RIMS2: variants seen among roughly 807,000 people sequenced by gnomAD.
The protein encoded by RIMS2 is regulating synaptic membrane exocytosis protein 2.
RIMS2 carries 59 observed loss-of-function variants against 174.4 expected under a neutral mutation model. The ratio of observed to expected loss-of-function variants is 0.34; its 90% CI spans 0.27 to 0.42. The LOEUF is 0.42. Ranked by LOEUF, RIMS2 falls within the 10% of genes least tolerant of loss-of-function variation. The pLI, the probability that RIMS2 is intolerant of heterozygous loss-of-function variation, is 1.00. For synonymous variants in RIMS2, 606 were observed against 572.5 expected, an observed-to-expected ratio of 1.06 and a Z score of -0.84; for missense variants, 1,620 against 1,666.3, an observed-to-expected ratio of 0.97 and a Z score of 0.48.
At chr8:103,750,225 C>A (rs1473399969) in intron 2 of RIMS2, among the ~76,000 whole-genome samples, 1 of 151,704 alleles carries the variant, frequency 6.6e-6, no homozygotes, top group Non-Finnish European at 1.5e-5. Flanking sequence ...TTTAGTAAAA[C>A]AAAAAGAATC....
At chr8:104,161,635 T>C (rs1287649690) in intron 19 of RIMS2, among the ~76,000 whole-genome samples, 1 of 152,216 alleles carries the variant, frequency 6.6e-6, no homozygotes, top group African/African-American at 2.4e-5. Context: ...AGTTTCCTAT[T>C]GAGGCCGTAA....
At chr8:104,018,007 G>T (rs1183225237) in intron 19 of RIMS2, among the ~76,000 whole-genome samples, 1 of 152,116 alleles carries the variant, frequency 6.6e-6, no homozygotes, top group East Asian at 1.9e-4. Context: ...CCCAGGAGAC[G>T]CAGGTTGCAG....
chr8:104,192,024 A>T (rs1231876728), intron 19 of RIMS2, among the ~76,000 whole-genome samples: 1 of 152,192 alleles, frequency 6.6e-6, no homozygotes, highest in Non-Finnish European at 1.5e-5. Context: ...GAAAATTTTC[A>T]CTATACTATG....
chr8:103,800,569 T>A (rs1287766191), intron 3 of RIMS2, among the ~76,000 whole-genome samples: 1 of 152,246 alleles, frequency 6.6e-6, no homozygotes, highest in Non-Finnish European at 1.5e-5. Context: ...TTGCTTTTTT[T>A]ATGCCTCTGT....
intron 14 of RIMS2, among the ~76,000 whole-genome samples, chr8:103,946,085 T>C (rs918330788): frequency 6.6e-6 from 1 of 152,164 alleles, no homozygotes; most frequent in African/African-American, 2.4e-5. Context: ...TGTAGAAAAT[T>C]CTAAAGAACC....
At chr8:104,041,085 T>G (rs2096600660) in intron 19 of RIMS2, among the ~76,000 whole-genome samples, 1 of 151,700 alleles carries the variant, frequency 6.6e-6, no homozygotes, top group African/African-American at 2.4e-5. Flanking sequence ...TCTTCTTTAT[T>G]TCTACACTAA....
intron 1 of RIMS2, among the ~76,000 whole-genome samples, chr8:103,675,736 C>CTT (rs201317775): frequency 3.3e-5 from 5 of 149,288 alleles, no homozygotes; most frequent in African/African-American, 9.8e-5. Flanking sequence ...TTTAAAACTC[C>CTT]TTTTTTTTTT....
intron 1 of RIMS2, among the ~76,000 whole-genome samples, chr8:103,644,964 A>C (rs898040597): frequency 6.6e-6 from 1 of 151,942 alleles, no homozygotes; most frequent in Non-Finnish European, 1.5e-5. Context: ...AAATGAGCCC[A>C]TTTACATATT....
At chr8:103,577,070 C>T (rs1199786819) in intron 1 of RIMS2, among the ~76,000 whole-genome samples, 1 of 152,134 alleles carries the variant, frequency 6.6e-6, no homozygotes, top group Non-Finnish European at 1.5e-5. Context: ...CCAAAATTGA[C>T]AAATGGGATC....
chr8:104,128,007 G>A (rs560913209), intron 19 of RIMS2, among the ~76,000 whole-genome samples: 1 of 152,196 alleles, frequency 6.6e-6, no homozygotes, highest in Non-Finnish European at 1.5e-5. Flanking sequence ...TGTAGCCTAA[G>A]GTTCTATAAA....
chr8:103,535,010 C>T (rs1839137565), intron 1 of RIMS2, among the ~76,000 whole-genome samples: 1 of 152,122 alleles, frequency 6.6e-6, no homozygotes, highest in Non-Finnish European at 1.5e-5. Flanking sequence ...ATTTATTTCT[C>T]TTTAGCTTGA....
At chr8:103,627,878 T>C (rs1192576651) in intron 1 of RIMS2, among the ~76,000 whole-genome samples, 1 of 152,224 alleles carries the variant, frequency 6.6e-6, no homozygotes, top group Non-Finnish European at 1.5e-5. Context: ...AAGCATACTT[T>C]GGGTGCTTTT....
chr8:104,009,290 GTT>G (rs912583931), intron 17 of RIMS2, among the ~76,000 whole-genome samples: 7 of 144,406 alleles, frequency 4.8e-5, no homozygotes, highest in African/African-American at 1.8e-4. Flanking sequence ...GTTTCTGCTG[GTT>G]TTTTTTTTTA....
At chr8:103,888,493 A>G (rs2099221192) in intron 4 of RIMS2, among the ~76,000 whole-genome samples, 1 of 151,522 alleles carries the variant, frequency 6.6e-6, no homozygotes, top group South Asian at 2.1e-4. Context: ...CTAAAAAATA[A>G]GAAAAAAGAT....
chr8:103,936,782 A>G lies in RIMS2; in HGVS notation c.2547+60A>G, dbSNP rs1031650597. On this transcript the variant is annotated intron_variant, in intron 13 of 23. Coordinates refer to ENST00000504942, the Ensembl canonical transcript of RIMS2. ...TGTTATCCTGAATACTTTTATTTAT[A>G]TAACTGTCAGTATAATTTCATTTGT... The G allele has an allele frequency of 5.5e-5, 69 of 1,262,898 alleles. 2 individuals are homozygous for G. The East Asian group carries it at 1.6e-3, about 30-fold the overall frequency. The allele number at this position is 1,262,898 out of a possible 1,614,324, so 78.2% of individuals were successfully genotyped here.
At chr8:103,797,382 G>T (rs896164876) in intron 3 of RIMS2, among the ~76,000 whole-genome samples, 2 of 151,862 alleles carry the variant, frequency 1.3e-5, no homozygotes, top group Admixed American at 1.3e-4. Context: ...TACATGTTTG[G>T]GTCTATACAT....
rs28754994 is a variant in RIMS2, at chr8:103,616,776, C to T, written c.177-80310C>T. 7.3e-3 allele frequency among the ~76,000 whole-genome samples: 1,113 copies of T among 151,958 alleles called. 11 individuals carry two copies. The highest frequency in any genetic ancestry group is 0.024 in the African/African-American group (1,010 of 41,418). Reference sequence around the variant, plus strand: ...GGAAAGGCAATACCATTCACAATTGCCACACAAAAAATAAAATACCTAGGA... The same window carrying T: ...GGAAAGGCAATACCATTCACAATTGTCACACAAAAAATAAAATACCTAGGA... On this transcript the variant is annotated intron_variant, in intron 1 of 23. Coordinates refer to ENST00000504942, the Ensembl canonical transcript of RIMS2.
chr8:103,751,947 T>G (rs2097898731), intron 2 of RIMS2, among the ~76,000 whole-genome samples: 1 of 152,210 alleles, frequency 6.6e-6, no homozygotes, highest in African/African-American at 2.4e-5. Flanking sequence ...AGAAGCTCTT[T>G]AGTTTAATTA....
At chr8:103,866,731 A>G (rs1263416796) in intron 3 of RIMS2, among the ~76,000 whole-genome samples, 1 of 152,094 alleles carries the variant, frequency 6.6e-6, no homozygotes, top group Non-Finnish European at 1.5e-5. Context: ...ACCTCTTAAC[A>G]TCGGATATTA....
Sources: gnomAD v4.1 joint callset for allele counts (sites outside exome capture counted in the v4.1 genomes callset) on GRCh38, gnomAD v4.1.1 for gene constraint, MANE v1.5 for transcripts, NCBI Gene and HGNC (gene_info 2026-07-23, HGNC 2026-07-21) for gene names.